Variants in HIVEP2 observed in about 807,000 individuals in gnomAD.
The protein encoded by HIVEP2 is HIVEP zinc finger 2.
A neutral mutation model predicts 180.7 loss-of-function variants in HIVEP2; 14 were observed. The observed-to-expected ratio is 0.08, with a 90% CI of 0.05 to 0.12. The LOEUF is 0.12. HIVEP2 is among the 10% of genes least tolerant of loss of function. HIVEP2 has a pLI of 1.00. For missense variants in HIVEP2, 2,579 were observed against 3,008.5 expected, an observed-to-expected ratio of 0.86 and a Z score of 3.34; for synonymous variants, 1,184 against 1,136.4, an observed-to-expected ratio of 1.04 and a Z score of -0.84.
intron 1 of HIVEP2, among the ~76,000 whole-genome samples, chr6:142,889,175 T>C (rs756296817): frequency 9.9e-5 from 15 of 152,160 alleles, no homozygotes; most frequent in Non-Finnish European, 1.9e-4. Context: ...GCATTGACAT[T>C]TTAAACTCCT....
chr6:142,895,140 T>C (rs1013248796), intron 1 of HIVEP2, among the ~76,000 whole-genome samples: 3 of 152,218 alleles, frequency 2.0e-5, no homozygotes, highest in African/African-American at 7.2e-5. Flanking sequence ...ACTTGAACTT[T>C]AAATTTATAG....
chr6:142,827,250 T>A (rs1014613072), intron 2 of HIVEP2, among the ~76,000 whole-genome samples: 5 of 152,220 alleles, frequency 3.3e-5, no homozygotes, highest in Non-Finnish European at 7.4e-5. Context: ...AACCATGATA[T>A]AAATTTCACC....
intron 1 of HIVEP2, among the ~76,000 whole-genome samples, chr6:142,846,471 A>G (rs1582908834): frequency 6.6e-6 from 1 of 152,194 alleles, no homozygotes; most frequent in African/African-American, 2.4e-5. Flanking sequence ...ACTTAAGATC[A>G]TTTAAATGCA....
At chr6:142,775,535 G>A (rs557768737) in intron 4 of HIVEP2, among the ~76,000 whole-genome samples, 1 of 151,928 alleles carries the variant, frequency 6.6e-6, no homozygotes, top group African/African-American at 2.4e-5. Context: ...ATGTTTTATA[G>A]CTTAATACAA....
At chr6:142,915,378 G>A (rs1777525493) in intron 1 of HIVEP2, among the ~76,000 whole-genome samples, 1 of 152,164 alleles carries the variant, frequency 6.6e-6, no homozygotes, top group Non-Finnish European at 1.5e-5. Flanking sequence ...CAGTAATGAG[G>A]AGCCCAGGAA....
intron 1 of HIVEP2, among the ~76,000 whole-genome samples, chr6:142,886,649 G>A (rs1420580498): frequency 6.6e-6 from 1 of 152,080 alleles, no homozygotes; most frequent in African/African-American, 2.4e-5. Context: ...TTTCCTAATT[G>A]TGGACAGGTT....
chr6:142,793,646 TTC>T (rs1340309133), intron 2 of HIVEP2, among the ~76,000 whole-genome samples: 2,006 of 39,628 alleles, frequency 0.051, 51 homozygotes, highest in African/African-American at 0.15. Context: ...CTTTCTTTCT[TTC>T]TTTCTTTCTT....
intron 3 of HIVEP2, among the ~76,000 whole-genome samples, 176 bp downstream of exon 3, chr6:142,783,345 A>AG (rs1775904663): frequency 7.0e-6 from 1 of 142,808 alleles, no homozygotes. Flanking sequence ...AAAAAAAAAA[A>AG]AAAAAAGACT....
rs201321700 is a variant in HIVEP2, at chr6:142,767,733, A to G, written c.5342+649T>C. On this transcript the variant is annotated intron_variant, in intron 6 of 9. Transcript: ENST00000367603. The stretch of plus-strand genomic sequence containing the variant: ...TGTGTAATTTTTCTTAACTATACAA[A>G]TAACAAAGTCTTTGAACCTTATTAC... Among the ~76,000 whole-genome samples the G allele has an allele frequency of 7.9e-5, 12 of 152,358 alleles. No homozygotes were observed. In the East Asian group the frequency reaches 2.3e-3, roughly 29 times the overall value.
chr6:142,920,846 C>G (rs1359260919), intron 1 of HIVEP2, among the ~76,000 whole-genome samples: 2 of 151,956 alleles, frequency 1.3e-5, no homozygotes, highest in Non-Finnish European at 2.9e-5. Flanking sequence ...AGCTGGGAAT[C>G]GGAGCACATG....
At chr6:142,944,511 G>T (rs1778262011) in intron 1 of HIVEP2, among the ~76,000 whole-genome samples, 1 of 152,122 alleles carries the variant, frequency 6.6e-6, no homozygotes, top group African/African-American at 2.4e-5. Context: ...AGAATGGAAA[G>T]GCGGGGGGTG....
intron 1 of HIVEP2, among the ~76,000 whole-genome samples, chr6:142,907,974 C>T (rs1358417154): frequency 1.3e-5 from 2 of 152,180 alleles, no homozygotes; most frequent in Non-Finnish European, 2.9e-5. Flanking sequence ...TCTCTCTTAC[C>T]AACTGAATTA....
In HIVEP2 at chr6:142,753,627, T is replaced by C. The variant is rs1465438771; in HGVS notation, c.6821A>G (p.Asp2274Gly). 3 of 1,613,838 alleles carry C rather than the reference T, an allele frequency of 1.9e-6. No individual in the cohort carries two copies. The highest frequency in any genetic ancestry group is 2.5e-6 in the Non-Finnish European group (3 of 1,179,988). Residue 2274 changes from aspartate (D) to glycine (G), a missense_variant, in exon 10 of 10, where the codon GAC (aspartate) becomes GGC (glycine). Physicochemically the swap from Asp to Gly is moderately conservative, Grantham distance 94. This residue lies in a region of HIVEP2 where 660 missense variants were observed against 731.7 expected (regional missense o/e 0.90). Coordinates refer to ENST00000367603, the MANE Select transcript of HIVEP2 (RefSeq NM_006734.4). ...ATGCTGCTTAGAAAGCACATAGGGGTCCTTGGAGAAGGACTCCCCTGACGC... is the reference window on the plus strand; with the variant it reads ...ATGCTGCTTAGAAAGCACATAGGGGCCCTTGGAGAAGGACTCCCCTGACGC... Reference protein sequence around the residue: ...KGASGESFSKDPYVLSKQHEK... With the variant: ...KGASGESFSKGPYVLSKQHEK...
At chr6:142,870,650 G>C (rs1014337642) in intron 1 of HIVEP2, among the ~76,000 whole-genome samples, 11 of 152,126 alleles carry the variant, frequency 7.2e-5, no homozygotes. Context: ...TGAGTGGCAA[G>C]TGCTCTGGGT....
At chr6:142,841,569 A>G (rs759244083) in intron 1 of HIVEP2, among the ~76,000 whole-genome samples, 7 of 152,198 alleles carry the variant, frequency 4.6e-5, no homozygotes, top group South Asian at 2.1e-4. Context: ...CTGCATGAGT[A>G]TATGTGGGAA....
chr6:142,897,046 T>C (rs976922349), intron 1 of HIVEP2, among the ~76,000 whole-genome samples: 5 of 152,048 alleles, frequency 3.3e-5, no homozygotes, highest in African/African-American at 1.2e-4. Flanking sequence ...TCAATATTGA[T>C]GCTGAAAATA....
intron 2 of HIVEP2, among the ~76,000 whole-genome samples, chr6:142,795,960 A>G (rs1434568190): frequency 2.0e-5 from 3 of 152,142 alleles, no homozygotes; most frequent in African/African-American, 7.2e-5. Flanking sequence ...TTCCTCATAC[A>G]TAAGAAGGGG....
At chr6:142,831,348 T>C (rs1775074450) in intron 2 of HIVEP2, among the ~76,000 whole-genome samples, 1 of 152,160 alleles carries the variant, frequency 6.6e-6, no homozygotes, top group Admixed American at 6.5e-5. Flanking sequence ...TGACAGCTCT[T>C]GTTTGAATTC....
rs72997007 is a variant in HIVEP2, at chr6:142,901,311, G to A, written c.-641+43788C>T. On this transcript the variant is annotated intron_variant, in intron 1 of 9. Transcript: ENST00000367603. Reference sequence around the variant, plus strand: ...TATGCTGTGAAACACATAAAACGTCGCATAACCAGTAAGTATTTTCTCTGA... The same window carrying A: ...TATGCTGTGAAACACATAAAACGTCACATAACCAGTAAGTATTTTCTCTGA... Among the ~76,000 whole-genome samples, 607 of 152,112 alleles carry A rather than the reference G, an allele frequency of 4.0e-3. 3 individuals carry two copies. The highest frequency in any genetic ancestry group is 6.5e-3 in the Non-Finnish European group (441 of 67,982).
Sources: gnomAD v4.1 joint callset for allele counts (sites outside exome capture counted in the v4.1 genomes callset) on GRCh38, gnomAD v4.1.1 for gene constraint, gnomAD v4.1.1 regional missense constraint, MANE v1.5 for transcripts, NCBI Gene and HGNC (gene_info 2026-07-23, HGNC 2026-07-21) for gene names.